The following ARB2A variants were observed in gnomAD, a reference collection of about 807,000 sequenced individuals.
ARB2A encodes the protein cotranscriptional regulator ARB2A.
At chr5:93,871,290 G>A in the ARB2A span, among the ~76,000 whole-genome samples, 1 of 152,114 alleles carries the variant, frequency 6.6e-6, no homozygotes. Flanking sequence ...ATGTAACTAA[G>A]TGAAACAATA....
the ARB2A span, among the ~76,000 whole-genome samples, chr5:94,063,943 TA>T: frequency 6.6e-6 from 1 of 151,600 alleles, no homozygotes; most frequent in African/African-American, 2.4e-5. Flanking sequence ...TAAGAAACAT[TA>T]AAAAAACAAG....
chr5:93,763,346 A>G, the ARB2A span, among the ~76,000 whole-genome samples: 1 of 152,332 alleles, frequency 6.6e-6, no homozygotes, highest in South Asian at 2.1e-4. Flanking sequence ...AAAGGGATGG[A>G]GGAAGATCTA....
chr5:94,049,333 T>C, the ARB2A span, among the ~76,000 whole-genome samples: 1 of 152,208 alleles, frequency 6.6e-6, no homozygotes, highest in Non-Finnish European at 1.5e-5. Context: ...CAAATATCAA[T>C]ATTCTTCACA....
the ARB2A span, among the ~76,000 whole-genome samples, chr5:94,054,114 C>A: frequency 1.3e-5 from 2 of 152,122 alleles, no homozygotes; most frequent in African/African-American, 4.8e-5. Flanking sequence ...AAAGACAGTA[C>A]GAAGAGTGTG....
chr5:93,978,500 T>G, the ARB2A span, among the ~76,000 whole-genome samples: 1 of 152,040 alleles, frequency 6.6e-6, no homozygotes, highest in Non-Finnish European at 1.5e-5. Context: ...TTATCCTAAG[T>G]GAATTAATGC....
the ARB2A span, among the ~76,000 whole-genome samples, chr5:93,692,977 A>G: frequency 6.6e-6 from 1 of 152,238 alleles, no homozygotes; most frequent in Non-Finnish European, 1.5e-5. Flanking sequence ...AAATTAAGGC[A>G]GAAATAAATA....
chr5:93,820,387 C>T, the ARB2A span, among the ~76,000 whole-genome samples: 3 of 151,894 alleles, frequency 2.0e-5, no homozygotes, highest in Non-Finnish European at 4.4e-5. Context: ...AAATGGCCAA[C>T]AATAAAAGTG....
At chr5:93,741,530 G>T in the ARB2A span, 28 of 1,599,166 alleles carry the variant, frequency 1.8e-5, no homozygotes, top group Admixed American at 4.8e-4. Flanking sequence ...CCTGGAAGGG[G>T]GCAGAAGTGG....
the ARB2A span, among the ~76,000 whole-genome samples, chr5:93,897,182 A>T: frequency 6.6e-6 from 1 of 152,046 alleles, no homozygotes; most frequent in Non-Finnish European, 1.5e-5. Flanking sequence ...CAAAACAAAC[A>T]AAAAGTTATA....
At chr5:94,058,688 G>C in the ARB2A span, among the ~76,000 whole-genome samples, 2 of 152,136 alleles carry the variant, frequency 1.3e-5, no homozygotes, top group Non-Finnish European at 1.5e-5. Flanking sequence ...TAAAAATGAA[G>C]AAAGTATTAT....
the ARB2A span, among the ~76,000 whole-genome samples, chr5:93,964,131 A>G: frequency 6.6e-6 from 1 of 152,076 alleles, no homozygotes; most frequent in African/African-American, 2.4e-5. Context: ...GCACTGGTTT[A>G]CTACAAATAA....
the ARB2A span, among the ~76,000 whole-genome samples, chr5:93,784,820 A>G: frequency 6.6e-6 from 1 of 152,170 alleles, no homozygotes; most frequent in African/African-American, 2.4e-5. Context: ...AGTTTCTTCC[A>G]CCACTTCCTA....
chr5:94,040,190 A>T, the ARB2A span, among the ~76,000 whole-genome samples: 1 of 152,050 alleles, frequency 6.6e-6, no homozygotes, highest in Non-Finnish European at 1.5e-5. Flanking sequence ...TTTTCTCTGA[A>T]TTAATCTGCC....
At chr5:94,050,178 G>T in the ARB2A span, among the ~76,000 whole-genome samples, 8 of 151,446 alleles carry the variant, frequency 5.3e-5, no homozygotes, top group Non-Finnish European at 1.2e-4. Context: ...GGCTTCAAGT[G>T]ATTCTCCTGC....
chr5:93,996,746 C>G, the ARB2A span, among the ~76,000 whole-genome samples: 2 of 152,002 alleles, frequency 1.3e-5, no homozygotes, highest in Non-Finnish European at 2.9e-5. Context: ...TTTACCAAAA[C>G]ATAAATTTGT....
At chr5:93,677,175 A>T in the ARB2A span, among the ~76,000 whole-genome samples, 1 of 152,242 alleles carries the variant, frequency 6.6e-6, no homozygotes, top group Non-Finnish European at 1.5e-5. Flanking sequence ...CTAAAAGATA[A>T]AAGTTAAAAC....
chr5:93,927,133 A>T, the ARB2A span, among the ~76,000 whole-genome samples: 1 of 152,282 alleles, frequency 6.6e-6, no homozygotes, highest in Non-Finnish European at 1.5e-5. Flanking sequence ...AATATGAGGC[A>T]AAAAAGAGCT....
chr5:94,110,132 G>A, the ARB2A span, among the ~76,000 whole-genome samples: 1 of 151,998 alleles, frequency 6.6e-6, no homozygotes, highest in South Asian at 2.1e-4. Flanking sequence ...CAATCCGTCC[G>A]CCTCGGCCTC....
At chr5:93,971,586 A>AAATAAATG in the ARB2A span, among the ~76,000 whole-genome samples, 2 of 150,260 alleles carry the variant, frequency 1.3e-5, no homozygotes, top group African/African-American at 2.4e-5. Context: ...ATAAATAAAT[A>AAATAAATG]AATAAATAAA....
Sources: gnomAD v4.1 joint callset for allele counts (sites outside exome capture counted in the v4.1 genomes callset) on GRCh38, gnomAD v4.1.1 for gene constraint, MANE v1.5 for transcripts, NCBI Gene and HGNC (gene_info 2026-07-23, HGNC 2026-07-21) for gene names.